Variants in FRMD4A observed in about 807,000 individuals in gnomAD.
FRMD4A encodes FERM domain containing 4A.
Under a neutral mutation model 129.1 loss-of-function variants are expected in FRMD4A, and 29 were observed. That is an observed-to-expected ratio of 0.22 (90% CI 0.17 to 0.31). The LOEUF (loss-of-function observed/expected upper bound fraction) is 0.31, where lower values mean the gene tolerates loss of function less well. FRMD4A is among the 10% of genes least tolerant of loss of function. The pLI, the probability that FRMD4A is intolerant of heterozygous loss-of-function variation, is 1.00. For synonymous variants in FRMD4A, 634 were observed against 571.6 expected, an observed-to-expected ratio of 1.11 and a Z score of -1.56; for missense variants, 1,272 against 1,375.8, an observed-to-expected ratio of 0.92 and a Z score of 1.19.
chr10:14,229,793 TATATAAA>T (rs2131985813), intron 2 of FRMD4A, among the ~76,000 whole-genome samples: 1 of 152,326 alleles, frequency 6.6e-6, no homozygotes, highest in East Asian at 1.9e-4. Context: ...CAACACATCC[TATATAAA>T]ATATAAAACT....
At chr10:13,647,572 T>G (rs1293265706) in intron 24 of FRMD4A, 3 of 152,130 alleles carry the variant, frequency 2.0e-5, no homozygotes, top group Admixed American at 2.0e-4. Flanking sequence ...AAAATGTGAG[T>G]TTTCCCTATA....
intron 2 of FRMD4A, among the ~76,000 whole-genome samples, chr10:14,020,227 C>T (rs1832679032): frequency 6.6e-6 from 1 of 152,192 alleles, no homozygotes; most frequent in African/African-American, 2.4e-5. Context: ...ACGAACCCAG[C>T]AGCATAGCAG....
At chr10:14,319,209 G>A (rs1450803003) in intron 2 of FRMD4A, among the ~76,000 whole-genome samples, 4 of 152,150 alleles carry the variant, frequency 2.6e-5, no homozygotes, top group Admixed American at 1.3e-4. Context: ...GTGGAACAGA[G>A]ACAAGCCATT....
At chr10:13,671,304 A>C (rs1310936895) in intron 16 of FRMD4A, among the ~76,000 whole-genome samples, 2 of 152,148 alleles carry the variant, frequency 1.3e-5, no homozygotes. Context: ...AAATACAAAA[A>C]TTAGCTGGGC....
chr10:13,987,682 G>A (rs7917314), intron 2 of FRMD4A, among the ~76,000 whole-genome samples: 51,949 of 151,912 alleles, frequency 0.34, 9,589 homozygotes, highest in East Asian at 0.72. Context: ...TTACTCATCC[G>A]TCTCTCTTCC....
At position 13,915,014 on chromosome 10, in the gene FRMD4A, G is replaced by C. The variant is rs150158877; in HGVS notation, c.46-56102C>G. On this transcript the variant is annotated intron_variant, in intron 2 of 24. Transcript: ENST00000357447. ...GGGCAACAGAGTGGGACCTGGCCTCGAAAACAACAATAACAACAGCAACAA... is the reference window on the plus strand; with the variant it reads ...GGGCAACAGAGTGGGACCTGGCCTCCAAAACAACAATAACAACAGCAACAA... 1.3e-3 allele frequency among the ~76,000 whole-genome samples: 194 copies of C among 152,096 alleles called. 1 individual carries two copies. Among genetic ancestry groups the C allele is most frequent in the Admixed American group, 2.7e-3 (41 of 15,282 alleles).
At chr10:13,952,643 T>C (rs536052344) in intron 2 of FRMD4A, among the ~76,000 whole-genome samples, 1 of 152,250 alleles carries the variant, frequency 6.6e-6, no homozygotes, top group Non-Finnish European at 1.5e-5. Context: ...TCTGGCTCTG[T>C]CTCTTCTTAC....
intron 2 of FRMD4A, among the ~76,000 whole-genome samples, chr10:14,226,024 G>A (rs1047891535): frequency 6.6e-6 from 1 of 152,118 alleles, no homozygotes; most frequent in Admixed American, 6.5e-5. Flanking sequence ...GTGTAACAGA[G>A]CCTTTTTCAT....
chr10:13,983,951 C>T (rs577907571), intron 2 of FRMD4A, among the ~76,000 whole-genome samples: 3 of 151,800 alleles, frequency 2.0e-5, no homozygotes, highest in Admixed American at 6.6e-5. Context: ...TGCAGTGAGC[C>T]GAGACTGCGC....
chr10:14,196,316 C>T (rs2131931876), intron 2 of FRMD4A, among the ~76,000 whole-genome samples: 1 of 152,318 alleles, frequency 6.6e-6, no homozygotes, highest in African/African-American at 2.4e-5. Context: ...ACCCACCCTC[C>T]AAGGACTGAT....
At position 13,816,331 on chromosome 10, in the gene FRMD4A, T is replaced by C. The variant is rs113671007; in HGVS notation, c.112-5423A>G. On this transcript the variant is annotated intron_variant, in intron 3 of 24. Transcript: ENST00000357447. ...ACATTTTTTCTGCTGTCATGGTGAC[T>C]GGCAACAGCCCAGAAGGTGGCTGCT... 2.6e-3 allele frequency among the ~76,000 whole-genome samples: 392 copies of C among 152,356 alleles called. 1 individual carries two copies. The highest frequency in any genetic ancestry group is 8.8e-3 in the African/African-American group (366 of 41,586).
chr10:13,685,004 T>C lies in FRMD4A; in HGVS notation c.1117+8894A>G, dbSNP rs2084944735. The C allele has an allele frequency of 4.1e-6, 4 of 983,718 alleles. No homozygotes were observed. In the African/African-American group the frequency reaches 5.2e-5, roughly 13 times the overall value. The allele number at this position is 983,718 out of a possible 1,614,324, so 60.9% of individuals were successfully genotyped here. The stretch of plus-strand genomic sequence containing the variant: ...AATTCTTCTTTATGATAAAAAGATA[T>C]TTATTTCCTTGACAAATCCTCAGTG... On this transcript the variant is annotated intron_variant, in intron 15 of 24. Coordinates refer to ENST00000357447, the MANE Select transcript of FRMD4A (RefSeq NM_018027.5).
chr10:13,833,454 G>C (rs1333018697), intron 3 of FRMD4A, among the ~76,000 whole-genome samples: 1 of 152,158 alleles, frequency 6.6e-6, no homozygotes, highest in Non-Finnish European at 1.5e-5. Flanking sequence ...TTCAAGGTGA[G>C]ATTTGGGTGG....
chr10:14,017,823 C>T lies in FRMD4A; in HGVS notation c.46-158911G>A, dbSNP rs181080158. ...AAAGTGAGGAAGGAAGAAAAGAAAG[C>T]ATCTTGAATCTGTTAGAAAGACAGT... On this transcript the variant is annotated intron_variant, in intron 2 of 24. Transcript: ENST00000357447. 6.6e-5 allele frequency among the ~76,000 whole-genome samples: 10 copies of T among 152,300 alleles called. No individual in the cohort carries two copies. In the East Asian group the frequency reaches 1.7e-3, roughly 26 times the overall value.
chr10:13,651,371 G>A (rs2081565803), intron 24 of FRMD4A: 2 of 153,146 alleles, frequency 1.3e-5, no homozygotes, highest in Admixed American at 1.3e-4. Context: ...TCTTTTCAGG[G>A]ACACTGATTA....
At chr10:13,672,921 T>C (rs1471118090) in intron 16 of FRMD4A, among the ~76,000 whole-genome samples, 1 of 152,248 alleles carries the variant, frequency 6.6e-6, no homozygotes, top group African/African-American at 2.4e-5. Flanking sequence ...TGTTGGGTTA[T>C]TTCTTCCACT....
At chr10:14,113,775 C>T (rs938076653) in intron 2 of FRMD4A, among the ~76,000 whole-genome samples, 3 of 152,040 alleles carry the variant, frequency 2.0e-5, no homozygotes, top group East Asian at 3.9e-4. Flanking sequence ...TGAGTGTGCG[C>T]GCGCGTGTGT....
intron 2 of FRMD4A, among the ~76,000 whole-genome samples, chr10:14,129,194 C>T (rs80029418): frequency 2.2e-3 from 329 of 151,772 alleles, no homozygotes; most frequent in Middle Eastern, 6.8e-3. Flanking sequence ...TCTTTCCCCT[C>T]CACTGTGAAC....
intron 2 of FRMD4A, among the ~76,000 whole-genome samples, chr10:14,027,320 T>C (rs1174387343): frequency 1.3e-5 from 2 of 152,208 alleles, no homozygotes; most frequent in East Asian, 3.8e-4. Context: ...GACTATTTTC[T>C]AAGACAATTT....
Sources: gnomAD v4.1 joint callset for allele counts (sites outside exome capture counted in the v4.1 genomes callset) on GRCh38, gnomAD v4.1.1 for gene constraint, MANE v1.5 for transcripts, NCBI Gene and HGNC (gene_info 2026-07-23, HGNC 2026-07-21) for gene names.